Variants in ENOX1 observed in about 807,000 individuals in gnomAD.
ENOX1 encodes the protein ecto-NOX disulfide-thiol exchanger 1.
In ENOX1, 42 loss-of-function variants were observed where a neutral mutation model predicts 82.5. The observed-to-expected ratio is 0.51, with a 90% CI of 0.40 to 0.66. ENOX1 has a LOEUF of 0.66. ENOX1 is among the 30% of genes least tolerant of loss of function. The probability of loss-of-function intolerance (pLI) is 0.00; values close to 1 mark genes in which losing one functional copy is unlikely to be tolerated. For synonymous variants in ENOX1, 271 were observed against 282.2 expected, an observed-to-expected ratio of 0.96 and a Z score of 0.40; for missense variants, 608 against 811.6, an observed-to-expected ratio of 0.75 and a Z score of 3.05.
In ENOX1 at chr13:43,731,661, T is replaced by A. The variant is rs183571678; in HGVS notation, c.-285+54991A>T. Reference sequence around the variant, plus strand: ...TTTTGGCTCAGAATAACCAACATATTTCAAAAATGTATTCAAACTACATTT... The same window carrying A: ...TTTTGGCTCAGAATAACCAACATATATCAAAAATGTATTCAAACTACATTT... On this transcript the variant is annotated intron_variant, in intron 1 of 16. Coordinates refer to ENST00000690772, the MANE Select transcript of ENOX1 (RefSeq NM_001347969.2). Among the ~76,000 whole-genome samples, 17 of 152,322 alleles carry A rather than the reference T, an allele frequency of 1.1e-4. No homozygotes were observed. In the East Asian group the frequency reaches 3.3e-3, roughly 29 times the overall value.
At chr13:43,645,264 T>A (rs771005095) in intron 2 of ENOX1, among the ~76,000 whole-genome samples, 9 of 152,096 alleles carry the variant, frequency 5.9e-5, no homozygotes, top group Non-Finnish European at 1.3e-4. Flanking sequence ...GCTCAAGTGA[T>A]CCTCCCATCT....
chr13:43,754,051 T>TATATACATATATACATATATAAATACAC lies in ENOX1; in HGVS notation c.-285+32600_-285+32601insGTGTATTTATATATGTATATATGTATAT, dbSNP rs71099849. 1.5e-3 allele frequency among the ~76,000 whole-genome samples: 174 copies of TATATACATATATACATATATAAATACAC among 117,748 alleles called. 1 individual carries two copies. Among genetic ancestry groups the TATATACATATATACATATATAAATACAC allele is most frequent in the Middle Eastern group, 0.014 (3 of 210 alleles). 77.2% of individuals were successfully genotyped at this position (117,748 alleles called of 152,430 possible). On this transcript the variant is annotated intron_variant, in intron 1 of 16. Coordinates refer to ENST00000690772, the MANE Select transcript of ENOX1 (RefSeq NM_001347969.2). ...ACATATATATGTATATAAATACACATATATATACATATATACGTATATAAA... is the reference window on the plus strand; with the variant it reads ...ACATATATATGTATATAAATACACATATATACATATATACATATATAAATACACATATATACATATATACGTATATAAA...
chr13:43,760,330 A>G (rs533583378), intron 1 of ENOX1, among the ~76,000 whole-genome samples: 4 of 152,320 alleles, frequency 2.6e-5, no homozygotes, highest in Admixed American at 1.3e-4. Flanking sequence ...TAGACAAATG[A>G]TTGTAATTTA....
intron 1 of ENOX1, among the ~76,000 whole-genome samples, chr13:43,746,781 G>A (rs1404775748): frequency 6.6e-6 from 1 of 151,962 alleles, no homozygotes; most frequent in East Asian, 1.9e-4. Flanking sequence ...ATTTATGAGG[G>A]GACTCATAAC....
intron 2 of ENOX1, among the ~76,000 whole-genome samples, chr13:43,576,870 A>T (rs1432509268): frequency 6.6e-6 from 1 of 152,252 alleles, no homozygotes; most frequent in Non-Finnish European, 1.5e-5. Flanking sequence ...TGCACCCAGC[A>T]TGCTTCCTGA....
intron 16 of ENOX1, among the ~76,000 whole-genome samples, chr13:43,219,465 T>C (rs984154443): frequency 6.6e-6 from 1 of 152,210 alleles, no homozygotes; most frequent in Non-Finnish European, 1.5e-5. Context: ...TGGCTTTTGT[T>C]CCAAGAAATT....
chr13:43,326,607 T>C (rs1285826538), intron 9 of ENOX1, 82 bp from the exon 10 acceptor site: 4 of 1,062,174 alleles, frequency 3.8e-6, no homozygotes, highest in African/African-American at 1.6e-5. Flanking sequence ...ACACTAGGAG[T>C]CTATGGATGA....
At chr13:43,743,693 C>T (rs897974175) in intron 1 of ENOX1, among the ~76,000 whole-genome samples, 10 of 152,250 alleles carry the variant, frequency 6.6e-5, no homozygotes, top group East Asian at 1.9e-4. Flanking sequence ...AATGAAATCA[C>T]GAAGATCTCT....
chr13:43,293,696 ACATG>A (rs1217964345), intron 12 of ENOX1, among the ~76,000 whole-genome samples: 5 of 152,250 alleles, frequency 3.3e-5, no homozygotes, highest in Non-Finnish European at 7.3e-5. Context: ...ATTGCAGAAG[ACATG>A]CTGAACTTAC....
In ENOX1 at chr13:43,786,497, C is replaced by G; in HGVS notation, c.-285+155G>C. 6.6e-6 allele frequency among the ~76,000 whole-genome samples: 1 copy of G among 151,912 alleles called. No individual in the cohort carries two copies. Among genetic ancestry groups the G allele is most frequent in the Non-Finnish European group, 1.5e-5 (1 of 67,926 alleles). Reference sequence around the variant, plus strand: ...CGAAGCCCCCACGCGTCCACGCACCCCTCCTCACCAGCCTCACCTCTAGCT... The same window carrying G: ...CGAAGCCCCCACGCGTCCACGCACCGCTCCTCACCAGCCTCACCTCTAGCT... On this transcript the variant is annotated intron_variant, in intron 1 of 16. Transcript: ENST00000690772. This position sits in a 1 kb window ranked among gnomAD's most constrained non-coding sequence, Gnocchi z 6.0.
intron 3 of ENOX1, among the ~76,000 whole-genome samples, chr13:43,423,399 C>G (rs1043261924): frequency 1.3e-5 from 2 of 152,186 alleles, no homozygotes; most frequent in Non-Finnish European, 2.9e-5. Context: ...TCCCATTTTA[C>G]GCAAAGCTTT....
intron 1 of ENOX1, among the ~76,000 whole-genome samples, chr13:43,773,562 G>C (rs373908137): frequency 6.6e-6 from 1 of 152,102 alleles, no homozygotes; most frequent in Non-Finnish European, 1.5e-5. Context: ...TAAAAGCCAA[G>C]CTTTCACACA....
intron 2 of ENOX1, among the ~76,000 whole-genome samples, chr13:43,649,195 T>C (rs552978381): frequency 6.6e-6 from 1 of 152,348 alleles, no homozygotes; most frequent in Non-Finnish European, 1.5e-5. Context: ...ACAACTTCAA[T>C]TTTTATTCAG....
At chr13:43,284,610 G>A (rs988255245) in intron 12 of ENOX1, among the ~76,000 whole-genome samples, 2 of 152,004 alleles carry the variant, frequency 1.3e-5, no homozygotes, top group South Asian at 2.1e-4. Context: ...AAGAAAATAT[G>A]ATAATTTATT....
intron 5 of ENOX1, among the ~76,000 whole-genome samples, chr13:43,398,479 T>C (rs951410600): frequency 6.6e-6 from 1 of 152,168 alleles, no homozygotes; most frequent in Non-Finnish European, 1.5e-5. Context: ...GAAATCTACT[T>C]TCCAGAGGAT....
In ENOX1 at chr13:43,322,518, C is replaced by T. The variant is rs1346880069; in HGVS notation, c.1144-17G>A. On this transcript the variant is annotated splice_polypyrimidine_tract_variant and intron_variant, in intron 10 of 16. Coordinates refer to ENST00000690772, the MANE Select transcript of ENOX1 (RefSeq NM_001347969.2). ...CCGGAGCTCCTGCAAGTAGAGGATA[C>T]ACAAATGTCAGAGTCACAGACACAT... 1 of 1,604,830 alleles carries T rather than the reference C, an allele frequency of 6.2e-7. No homozygotes were observed. The highest frequency in any genetic ancestry group is 1.7e-5 in the Admixed American group (1 of 59,700).
intron 2 of ENOX1, among the ~76,000 whole-genome samples, chr13:43,632,726 C>T (rs936015858): frequency 1.3e-5 from 2 of 152,188 alleles, no homozygotes; most frequent in East Asian, 3.9e-4. Flanking sequence ...GGATTACAGG[C>T]GTGAACCACA....
chr13:43,645,136 G>C (rs1408701996), intron 2 of ENOX1, among the ~76,000 whole-genome samples: 1 of 152,100 alleles, frequency 6.6e-6, no homozygotes, highest in Non-Finnish European at 1.5e-5. Flanking sequence ...AAAAATGTGT[G>C]TTTTTCTTAG....
chr13:43,728,274 C>T (rs1039761592), intron 1 of ENOX1, among the ~76,000 whole-genome samples: 56 of 152,138 alleles, frequency 3.7e-4, no homozygotes, highest in African/African-American at 1.3e-3. Context: ...ACCTCAAAAT[C>T]GTTAAGTCTT....
Sources: allele counts gnomAD v4.1 joint callset (sites outside exome capture counted in the v4.1 genomes callset), GRCh38; gene constraint gnomAD v4.1.1; non-coding constraint Gnocchi (gnomAD v3.1); transcripts MANE v1.5; gene names NCBI Gene and HGNC (gene_info 2026-07-23, HGNC 2026-07-21).